Variants in EYS observed in about 807,000 individuals in gnomAD.
EYS encodes protein eyes shut homolog.
In EYS, 250 loss-of-function variants were observed where a neutral mutation model predicts 282.1. The ratio of observed to expected loss-of-function variants is 0.89; its 90% CI spans 0.80 to 0.98. The LOEUF (loss-of-function observed/expected upper bound fraction) is 0.98. EYS is among the 50% of genes least tolerant of loss of function. The pLI, the probability that EYS is intolerant of heterozygous loss-of-function variation, is 0.00. For missense variants in EYS, 4,016 were observed against 3,709.0 expected (o/e 1.08, Z -2.15); for synonymous variants, 1,355 against 1,282.9 (o/e 1.06, Z -1.20).
At chr6:64,537,513 T>G (rs1764559185) in intron 26 of EYS, among the ~76,000 whole-genome samples, 1 of 152,178 alleles carries the variant, frequency 6.6e-6, no homozygotes. Flanking sequence ...TGTTGATTCC[T>G]ATTTCTTTGA....
chr6:63,840,721 AAG>A (rs1771934051), intron 36 of EYS, among the ~76,000 whole-genome samples: 1 of 152,074 alleles, frequency 6.6e-6, no homozygotes, highest in African/African-American at 2.4e-5. Context: ...TGTATATGCT[AAG>A]AGAGAGGGGT....
At chr6:65,026,789 C>T (rs188320606) in intron 13 of EYS, among the ~76,000 whole-genome samples, 53 of 151,956 alleles carry the variant, frequency 3.5e-4, no homozygotes, top group Middle Eastern at 3.4e-3. Context: ...TGGTGGCGGG[C>T]GCCTGTAATC....
intron 22 of EYS, among the ~76,000 whole-genome samples, chr6:64,779,460 AG>A (rs1773789171): frequency 6.6e-6 from 1 of 152,094 alleles, no homozygotes; most frequent in Admixed American, 6.6e-5. Context: ...GACTATAAAA[AG>A]ATCAGCGTTT....
chr6:65,183,998 T>A (rs1307388628), intron 12 of EYS, among the ~76,000 whole-genome samples: 6 of 146,868 alleles, frequency 4.1e-5, no homozygotes, highest in Non-Finnish European at 9.0e-5. Context: ...CCATGGAACA[T>A]AATTATATCA....
chr6:65,382,473 G>C (rs9453290), intron 8 of EYS, among the ~76,000 whole-genome samples: 40 of 67,418 alleles, frequency 5.9e-4, no homozygotes, highest in South Asian at 1.2e-3. Flanking sequence ...GTGTGTGTGT[G>C]TGTGTGTGTG....
intron 2 of EYS, among the ~76,000 whole-genome samples, chr6:65,528,061 G>T (rs1767635205): frequency 6.6e-6 from 1 of 152,178 alleles, no homozygotes; most frequent in African/African-American, 2.4e-5. Flanking sequence ...TACTTTCAGT[G>T]TTGAGAAACT....
At position 63,721,671 on chromosome 6, in the gene EYS, TTTA is replaced by T. The variant is rs1294689122; in HGVS notation, c.8357_8359del (p.Ile2786del). On this transcript the variant is annotated inframe_deletion, in exon 43 of 43. Transcript: ENST00000503581. ...GCCTTCTGCACCAACTCTTCCTGCT[TTTA>T]TTATATGCCAAGTACTTCCGTTTAT... is the stretch of plus-strand genomic sequence containing the variant. 1.1e-5 allele frequency: 17 copies of T among 1,551,504 alleles called. No individual in the cohort carries two copies. Among genetic ancestry groups the T allele is most frequent in the Non-Finnish European group, 1.5e-5 (17 of 1,146,816 alleles).
intron 30 of EYS, among the ~76,000 whole-genome samples, chr6:64,272,028 T>C (rs1340423332): frequency 1.3e-5 from 2 of 152,260 alleles, no homozygotes; most frequent in East Asian, 1.9e-4. Context: ...ACCTGGCCTA[T>C]ATATTCCCTA....
At chr6:64,767,269 G>A (rs1469896786) in intron 22 of EYS, among the ~76,000 whole-genome samples, 1 of 151,900 alleles carries the variant, frequency 6.6e-6, no homozygotes, top group South Asian at 2.1e-4. Context: ...TTATGTCTTT[G>A]TATTGGAATA....
At chr6:64,364,148 G>A (rs1365101945) in intron 29 of EYS, among the ~76,000 whole-genome samples, 6 of 151,458 alleles carry the variant, frequency 4.0e-5, no homozygotes, top group Non-Finnish European at 7.4e-5. Flanking sequence ...CCAAATTTCT[G>A]GCCAAGAAAA....
chr6:63,765,705 A>G (rs1403605804), intron 40 of EYS, among the ~76,000 whole-genome samples: 1 of 152,050 alleles, frequency 6.6e-6, no homozygotes, highest in Non-Finnish European at 1.5e-5. Context: ...TATTGACTAT[A>G]GTCACCCTGT....
At chr6:65,378,034 C>A (rs140476986) in intron 8 of EYS, among the ~76,000 whole-genome samples, 6 of 151,732 alleles carry the variant, frequency 4.0e-5, no homozygotes, top group Non-Finnish European at 5.9e-5. Flanking sequence ...TAGACAAATG[C>A]GATCTAATTA....
At chr6:64,857,692 C>T (rs796198040) in intron 19 of EYS, among the ~76,000 whole-genome samples, 25 of 152,188 alleles carry the variant, frequency 1.6e-4, no homozygotes, top group African/African-American at 6.0e-4. Context: ...TACCATTTTC[C>T]ATATGGATTT....
rs144477783 is a variant in EYS at position 64,549,780 on chromosome 6, A to G, written c.5644+40443T>C. 2.0e-3 allele frequency among the ~76,000 whole-genome samples: 304 copies of G among 151,544 alleles called. 10 individuals carry two copies. In the East Asian group the frequency reaches 0.049, roughly 25 times the overall value. On this transcript the variant is annotated intron_variant, in intron 26 of 42. Transcript: ENST00000503581. ...CTTTAAGTTTTACGGTACATGTGCA[A>G]AACGTGCAGGTTTGTTACATATGTA...
At chr6:64,859,462 T>C (rs1766167207) in intron 19 of EYS, among the ~76,000 whole-genome samples, 1 of 152,064 alleles carries the variant, frequency 6.6e-6, no homozygotes, top group Non-Finnish European at 1.5e-5. Context: ...ATATATGCCA[T>C]TTTGATATGG....
At chr6:63,750,972 A>G (rs1323097655) in intron 41 of EYS, among the ~76,000 whole-genome samples, 1 of 152,148 alleles carries the variant, frequency 6.6e-6, no homozygotes, top group Non-Finnish European at 1.5e-5. Flanking sequence ...GCTCTGCAAT[A>G]TGCTTTGTGA....
At chr6:65,404,746 G>C (rs371757061) in intron 6 of EYS, among the ~76,000 whole-genome samples, 1 of 151,942 alleles carries the variant, frequency 6.6e-6, no homozygotes, top group Non-Finnish European at 1.5e-5. Flanking sequence ...GTAACAAAAA[G>C]TTTAGGAGGT....
intron 5 of EYS, among the ~76,000 whole-genome samples, chr6:65,457,691 C>T (rs911285947): frequency 2.0e-5 from 3 of 152,030 alleles, no homozygotes; most frequent in South Asian, 4.1e-4. Context: ...ATCAAGTTTA[C>T]CCTAATATGC....
rs150010508 is a variant in EYS at position 64,705,417 on chromosome 6, A to G, written c.3444-79172T>C. On this transcript the variant is annotated intron_variant, in intron 22 of 42. Coordinates refer to ENST00000503581, the MANE Select transcript of EYS (RefSeq NM_001142800.2). The stretch of plus-strand genomic sequence containing the variant: ...ACCATACTGCCAAAAGCAATCTACA[A>G]AATCAATGCAATGCCCATCAAAATA... 4.6e-3 allele frequency among the ~76,000 whole-genome samples: 695 copies of G among 152,198 alleles called. 5 individuals are homozygous for G. Among genetic ancestry groups the G allele is most frequent in the African/African-American group, 0.016 (648 of 41,512 alleles).
Sources: allele counts gnomAD v4.1 joint callset (sites outside exome capture counted in the v4.1 genomes callset), GRCh38; gene constraint gnomAD v4.1.1; transcripts MANE v1.5; gene names NCBI Gene and HGNC (gene_info 2026-07-23, HGNC 2026-07-21).